PPP2R2C: variants seen among roughly 807,000 people sequenced by gnomAD.
PPP2R2C encodes protein phosphatase 2 regulatory subunit Bgamma.
A neutral mutation model predicts 45.3 loss-of-function variants in PPP2R2C; 10 were observed. The ratio of observed to expected loss-of-function variants is 0.22; its 90% CI spans 0.14 to 0.37. The LOEUF (loss-of-function observed/expected upper bound fraction) is 0.37. Ranked by LOEUF, PPP2R2C falls within the 10% of genes least tolerant of loss-of-function variation. The pLI, the probability that PPP2R2C is intolerant of heterozygous loss-of-function variation, is 1.00. For missense variants in PPP2R2C, 308 were observed against 619.7 expected (o/e 0.50, Z 5.34); for synonymous variants, 257 against 245.4 (o/e 1.05, Z -0.44).
At chr4:6,416,014 AT>A (rs2109380816) in intron 1 of PPP2R2C, among the ~76,000 whole-genome samples, 1 of 152,292 alleles carries the variant, frequency 6.6e-6, no homozygotes, top group East Asian at 1.9e-4. Context: ...CCCAGGACCA[AT>A]TTTTTATCCC....
At chr4:6,544,433 C>T (rs998897317) in intron 1 of PPP2R2C, among the ~76,000 whole-genome samples, 2 of 152,152 alleles carry the variant, frequency 1.3e-5, no homozygotes, top group Non-Finnish European at 2.9e-5. Flanking sequence ...GCCCCAAACT[C>T]CTGGGCTCAA....
At chr4:6,483,079 C>A (rs564158962) in intron 2 of PPP2R2C, among the ~76,000 whole-genome samples, 1 of 151,636 alleles carries the variant, frequency 6.6e-6, no homozygotes, top group Non-Finnish European at 1.5e-5. Flanking sequence ...CTAGGGTGAA[C>A]TTCACATGGT....
intron 1 of PPP2R2C, chr4:6,382,312 C>A: frequency 7.8e-7 from 1 of 1,286,052 alleles, no homozygotes; most frequent in African/African-American, 1.5e-5. Flanking sequence ...TCTCCAAAAT[C>A]TGTGATACCA....
intron 2 of PPP2R2C, among the ~76,000 whole-genome samples, chr4:6,513,524 G>C (rs1577232687): frequency 6.6e-6 from 1 of 152,168 alleles, no homozygotes. Flanking sequence ...TGCGAGGGAG[G>C]GGCCATGCCA....
In PPP2R2C at chr4:6,323,551, G is replaced by A. The variant is rs1351701311; in HGVS notation, c.1095C>T (p.Phe365=). The change falls in exon 9 of 9, where the codon TTC becomes TTT. Residue 365 remains phenylalanine, a synonymous_variant. Coordinates refer to ENST00000382599, the MANE Select transcript of PPP2R2C (RefSeq NM_020416.4). ...TGAYNNFFRM[F]DRNTKRDVTL... is the part of the protein sequence containing the mutation. The stretch of plus-strand genomic sequence containing the variant: ...TCACGTCCCGCTTGGTGTTCCGATC[G>A]AACATGCGGAAGAAGTTGTTGTAGG... 1.9e-6 allele frequency: 3 copies of A among 1,583,338 alleles called. No homozygotes were observed. The highest frequency in any genetic ancestry group is 1.7e-5 in the Admixed American group (1 of 58,798).
intron 6 of PPP2R2C, among the ~76,000 whole-genome samples, chr4:6,338,685 A>G (rs913895504): frequency 2.0e-5 from 3 of 152,070 alleles, no homozygotes; most frequent in African/African-American, 7.2e-5. Flanking sequence ...CACACACGCA[A>G]GTTCCCCTCT....
intron 5 of PPP2R2C, among the ~76,000 whole-genome samples, chr4:6,361,475 TTTC>T (rs1448542922): frequency 6.6e-6 from 1 of 152,248 alleles, no homozygotes; most frequent in African/African-American, 2.4e-5. Flanking sequence ...GTGCTCTGCT[TTTC>T]TTATCTGTAG....
At chr4:6,457,250 T>C (rs957546832) in intron 1 of PPP2R2C, among the ~76,000 whole-genome samples, 1 of 149,054 alleles carries the variant, frequency 6.7e-6, no homozygotes, top group African/African-American at 2.4e-5. Context: ...GCTAAAACCA[T>C]TTAAAGCCAT....
chr4:6,482,786 C>T (rs1396326461), intron 2 of PPP2R2C, among the ~76,000 whole-genome samples: 1 of 152,138 alleles, frequency 6.6e-6, no homozygotes, highest in Non-Finnish European at 1.5e-5. Flanking sequence ...TGGTAGGTTT[C>T]TTTGTCTTAG....
Position 6,331,611 on chromosome 4 carries a change from C to T in PPP2R2C, c.960+1951G>A, listed in dbSNP as rs1732417965. On this transcript the variant is annotated intron_variant, in intron 7 of 8. Transcript: ENST00000382599. The surrounding 1 kb of genome is among the most constrained non-coding windows in gnomAD (Gnocchi z 5.9). Reference sequence around the variant, plus strand: ...AATCACAGTGAAACACGCAACAGACCCCAGGGGTGAGATCTAGTGCATTTC... The same window carrying T: ...AATCACAGTGAAACACGCAACAGACTCCAGGGGTGAGATCTAGTGCATTTC... 6.6e-6 allele frequency among the ~76,000 whole-genome samples: 1 copy of T among 152,138 alleles called. No individual in the cohort carries two copies. Among genetic ancestry groups the T allele is most frequent in the Admixed American group, 6.5e-5 (1 of 15,270 alleles).
At chr4:6,540,886 T>C (rs944390463) in intron 1 of PPP2R2C, among the ~76,000 whole-genome samples, 4 of 152,358 alleles carry the variant, frequency 2.6e-5, no homozygotes, top group South Asian at 4.1e-4. Context: ...TTTTCTCTTT[T>C]ATAAAATAAA....
At chr4:6,531,756 G>A (rs1258808118) in intron 2 of PPP2R2C, among the ~76,000 whole-genome samples, 2 of 152,060 alleles carry the variant, frequency 1.3e-5, no homozygotes, top group African/African-American at 2.4e-5. Flanking sequence ...GGTAAAGCCC[G>A]GAGTCTCCCT....
chr4:6,455,269 C>T (rs1720961658), intron 1 of PPP2R2C, among the ~76,000 whole-genome samples: 1 of 152,192 alleles, frequency 6.6e-6, no homozygotes, highest in Admixed American at 6.5e-5. Flanking sequence ...ACACCTATAG[C>T]CCTACATCAA....
At chr4:6,463,265 G>T (rs2108760047) in intron 1 of PPP2R2C, among the ~76,000 whole-genome samples, 1 of 152,152 alleles carries the variant, frequency 6.6e-6, no homozygotes, top group Admixed American at 6.5e-5. Flanking sequence ...TGAAGAAGCT[G>T]CCAAGGGCAC....
chr4:6,454,560 T>C (rs1720913718), intron 1 of PPP2R2C, among the ~76,000 whole-genome samples: 1 of 152,150 alleles, frequency 6.6e-6, no homozygotes, highest in African/African-American at 2.4e-5. Flanking sequence ...TCCCCCCAGA[T>C]CAGTCCACCC....
At chr4:6,327,933 T>C (rs1732091918) in intron 8 of PPP2R2C, among the ~76,000 whole-genome samples, 1 of 152,084 alleles carries the variant, frequency 6.6e-6, no homozygotes, top group South Asian at 2.1e-4. Flanking sequence ...CCAGCCCTGC[T>C]TCCAGGGGGC....
intron 8 of PPP2R2C, among the ~76,000 whole-genome samples, chr4:6,325,702 A>G (rs2109150157): frequency 6.6e-6 from 1 of 152,252 alleles, no homozygotes; most frequent in Middle Eastern, 3.4e-3. Flanking sequence ...CTAGAGCACC[A>G]GGCCGCACCA....
intron 1 of PPP2R2C, among the ~76,000 whole-genome samples, chr4:6,394,766 G>C (rs971833600): frequency 6.6e-6 from 1 of 152,250 alleles, no homozygotes; most frequent in Non-Finnish European, 1.5e-5. Context: ...CCTCTCTGCT[G>C]GGGCTACAGC....
intron 1 of PPP2R2C, among the ~76,000 whole-genome samples, chr4:6,443,066 C>T (rs1720230920): frequency 6.6e-6 from 1 of 152,166 alleles, no homozygotes; most frequent in South Asian, 2.1e-4. Flanking sequence ...CTGTGGGAAG[C>T]CCTGTTTTCC....
Sources: gnomAD v4.1 joint callset for allele counts (sites outside exome capture counted in the v4.1 genomes callset) on GRCh38, gnomAD v4.1.1 for gene constraint, Gnocchi (gnomAD v3.1) non-coding constraint, MANE v1.5 for transcripts, NCBI Gene and HGNC (gene_info 2026-07-23, HGNC 2026-07-21) for gene names.